Variants in FAF1 observed in about 807,000 individuals in gnomAD.
FAF1 encodes FAS-associated factor 1.
In FAF1, 25 loss-of-function variants were observed where a neutral mutation model predicts 92.5. The ratio of observed to expected loss-of-function variants is 0.27; its 90% CI spans 0.20 to 0.38. The LOEUF (loss-of-function observed/expected upper bound fraction) is 0.38, where lower values mean the gene tolerates loss of function less well. Among genes scored for constraint, FAF1 ranks in the 10% least tolerant of loss-of-function variants. FAF1 has a pLI of 1.00. For missense variants in FAF1, 636 were observed against 793.3 expected, an observed-to-expected ratio of 0.80 and a Z score of 2.38; for synonymous variants, 234 against 273.2, an observed-to-expected ratio of 0.86 and a Z score of 1.42.
intron 4 of FAF1, among the ~76,000 whole-genome samples, chr1:50,767,567 G>A (rs775711430): frequency 8.5e-5 from 13 of 152,106 alleles, no homozygotes; most frequent in Admixed American, 6.5e-4. Context: ...TGGAGAAAAG[G>A]GACAGGTAAC....
intron 1 of FAF1, among the ~76,000 whole-genome samples, chr1:50,877,783 G>A (rs1644582376): frequency 6.6e-6 from 1 of 152,138 alleles, no homozygotes. Context: ...AGAAACGGCT[G>A]TTGTGAAAGT....
chr1:50,551,098 T>G (rs990115816), intron 13 of FAF1, among the ~76,000 whole-genome samples: 8 of 152,238 alleles, frequency 5.3e-5, no homozygotes, highest in Admixed American at 4.6e-4. Flanking sequence ...TACTTTTAAT[T>G]GGTTTTCATC....
At chr1:50,664,000 T>C (rs1326848593) in intron 7 of FAF1, among the ~76,000 whole-genome samples, 8 of 73,124 alleles carry the variant, frequency 1.1e-4, no homozygotes, top group Admixed American at 9.2e-4. Flanking sequence ...CTGTTAATCT[T>C]TTTTTTTTTT....
At chr1:50,905,021 T>C (rs1268914086) in intron 1 of FAF1, among the ~76,000 whole-genome samples, 3 of 152,154 alleles carry the variant, frequency 2.0e-5, no homozygotes, top group Admixed American at 6.6e-5. Context: ...TATCTCCTAA[T>C]GCTATCCCAA....
intron 13 of FAF1, among the ~76,000 whole-genome samples, chr1:50,545,013 A>AAC (rs1013217251): frequency 6.6e-6 from 1 of 151,812 alleles, no homozygotes; most frequent in South Asian, 2.1e-4. Flanking sequence ...TACATGGTAA[A>AAC]ACACACACAC....
intron 15 of FAF1, among the ~76,000 whole-genome samples, chr1:50,511,601 T>C (rs1243176529): frequency 6.6e-6 from 1 of 152,208 alleles, no homozygotes; most frequent in East Asian, 1.9e-4. Flanking sequence ...GGCTGCATAA[T>C]ATCCCGTGGT....
At chr1:50,873,902 T>A (rs920134259) in intron 1 of FAF1, among the ~76,000 whole-genome samples, 3 of 152,176 alleles carry the variant, frequency 2.0e-5, no homozygotes. Context: ...ATACCCTGCA[T>A]CATTGCTAGA....
chr1:50,920,307 A>T (rs1170037479), intron 1 of FAF1, among the ~76,000 whole-genome samples: 1 of 151,996 alleles, frequency 6.6e-6, no homozygotes, highest in Non-Finnish European at 1.5e-5. Context: ...GTCTCAAAAA[A>T]AAAAAAAAAA....
chr1:50,648,155 G>T (rs562221356), intron 8 of FAF1, among the ~76,000 whole-genome samples: 3 of 152,270 alleles, frequency 2.0e-5, no homozygotes, highest in Non-Finnish European at 4.4e-5. Flanking sequence ...GCTATGAGGA[G>T]GCTGAGGCAG....
intron 2 of FAF1, among the ~76,000 whole-genome samples, chr1:50,819,742 TATATATATACATATATATATAC>T (rs1644021496): frequency 4.4e-5 from 3 of 67,746 alleles, no homozygotes; most frequent in South Asian, 4.5e-4. Flanking sequence ...TATATATACA[TATATATATACATATATATATAC>T]GTATATATAT....
At chr1:50,836,174 T>G (rs1236901182) in intron 2 of FAF1, among the ~76,000 whole-genome samples, 1 of 139,540 alleles carries the variant, frequency 7.2e-6, no homozygotes, top group Admixed American at 7.0e-5. Context: ...GTTTCTGTTT[T>G]TTTTTTTTTT....
chr1:50,643,453 T>G (rs1486909056), intron 8 of FAF1, among the ~76,000 whole-genome samples: 2 of 152,170 alleles, frequency 1.3e-5, no homozygotes, highest in African/African-American at 2.4e-5. Context: ...ATGGGAACAG[T>G]TTCTATTGCT....
At chr1:50,779,298 C>T (rs1362684412) in intron 4 of FAF1, among the ~76,000 whole-genome samples, 1 of 152,212 alleles carries the variant, frequency 6.6e-6, no homozygotes, top group Admixed American at 6.5e-5. Flanking sequence ...ATCTTGACCT[C>T]CTCCCATGAA....
chr1:50,740,251 A>T (rs534202804), intron 5 of FAF1, among the ~76,000 whole-genome samples: 3 of 152,296 alleles, frequency 2.0e-5, no homozygotes, highest in East Asian at 1.9e-4. Flanking sequence ...GGTTGAGCTT[A>T]GCAATTTTAA....
chr1:50,696,740 C>A (rs1041377809), intron 7 of FAF1, among the ~76,000 whole-genome samples: 1 of 152,008 alleles, frequency 6.6e-6, no homozygotes, highest in Non-Finnish European at 1.5e-5. Context: ...CAGTATTATT[C>A]TTTTCCAAAG....
At position 50,780,506 on chromosome 1, in the gene FAF1, C is replaced by T. The variant is rs146690968; in HGVS notation, c.367+7494G>A. The T allele has an allele frequency of 4.8e-3, 914 of 189,262 alleles. 11 individuals carry two copies. The highest frequency in any genetic ancestry group is 0.02 in the African/African-American group (861 of 42,340). The allele number at this position is 189,262 out of a possible 1,614,324, so 11.7% of individuals were successfully genotyped here. On this transcript the variant is annotated intron_variant, in intron 4 of 18. Coordinates refer to ENST00000396153, the MANE Select transcript of FAF1 (RefSeq NM_007051.3). ...ACCGGTAGAGACAGGGACTCACTTT[C>T]TCATCCCCTGGGTACGGAAACCAAT...
chr1:50,558,917 T>C (rs1222197407), intron 13 of FAF1, among the ~76,000 whole-genome samples: 1 of 152,142 alleles, frequency 6.6e-6, no homozygotes, highest in Non-Finnish European at 1.5e-5. Context: ...GGCTCGTAAA[T>C]TGGTAATTTT....
At chr1:50,949,776 C>A (rs138659146) in intron 1 of FAF1, among the ~76,000 whole-genome samples, 3 of 152,192 alleles carry the variant, frequency 2.0e-5, no homozygotes, top group Non-Finnish European at 4.4e-5. Context: ...CTCAGTCCCA[C>A]GGCTGCCAAG....
intron 2 of FAF1, among the ~76,000 whole-genome samples, chr1:50,847,164 G>A (rs183656423): frequency 2.0e-3 from 307 of 152,218 alleles, no homozygotes; most frequent in Non-Finnish European, 3.6e-3. Context: ...GGGATTGTGA[G>A]TTAGTCATTC....
Sources: allele counts gnomAD v4.1 joint callset (sites outside exome capture counted in the v4.1 genomes callset), GRCh38; gene constraint gnomAD v4.1.1; transcripts MANE v1.5; gene names NCBI Gene and HGNC (gene_info 2026-07-23, HGNC 2026-07-21).